Variants in RBMS3 observed in about 807,000 individuals in gnomAD.
RBMS3 encodes the protein RNA binding motif single stranded interacting protein 3, also known as RNA-binding motif, single-stranded-interacting protein 3.
RBMS3 carries 27 observed loss-of-function variants against 66.8 expected under a neutral mutation model. The observed-to-expected ratio is 0.40, with a 90% CI of 0.30 to 0.56. The LOEUF is 0.56. RBMS3 is among the 20% of genes least tolerant of loss of function. RBMS3 has a pLI of 0.40. For missense variants in RBMS3, 513 were observed against 549.5 expected, an observed-to-expected ratio of 0.93 and a Z score of 0.66; for synonymous variants, 188 against 183.0, an observed-to-expected ratio of 1.03 and a Z score of -0.22.
intron 8 of RBMS3, among the ~76,000 whole-genome samples, chr3:29,896,849 A>G (rs943246527): frequency 2.0e-5 from 3 of 151,594 alleles, no homozygotes; most frequent in Admixed American, 6.6e-5. Context: ...GACTTAATCC[A>G]GAAAACATTC....
chr3:29,638,902 G>A (rs17547904), intron 4 of RBMS3, among the ~76,000 whole-genome samples: 34,593 of 151,638 alleles, frequency 0.23, 4,178 homozygotes, highest in Middle Eastern at 0.32. Flanking sequence ...GTATATCGCT[G>A]TAAATTAAGA....
At chr3:29,413,361 C>A (rs1396754324) in intron 1 of RBMS3, among the ~76,000 whole-genome samples, 1 of 149,764 alleles carries the variant, frequency 6.7e-6, no homozygotes, top group Non-Finnish European at 1.5e-5. Flanking sequence ...GAGAGTGAAA[C>A]TCCATCTCAT....
intron 1 of RBMS3, among the ~76,000 whole-genome samples, chr3:29,326,390 T>C (rs2125502948): frequency 6.6e-6 from 1 of 152,322 alleles, no homozygotes; most frequent in African/African-American, 2.4e-5. Context: ...TTCTCCACCT[T>C]CTATGTCTTG....
At chr3:29,617,709 C>G (rs139927987) in intron 4 of RBMS3, among the ~76,000 whole-genome samples, 6 of 152,128 alleles carry the variant, frequency 3.9e-5, no homozygotes, top group Non-Finnish European at 7.4e-5. Flanking sequence ...ATTTATAAGA[C>G]TATAGTACCT....
Position 29,868,950 on chromosome 3 carries a change from C to T in RBMS3, c.730C>T (p.Pro244Ser), listed in dbSNP as rs2149550235. The T allele has an allele frequency of 2.5e-6, 4 of 1,597,132 alleles. No individual in the cohort carries two copies. The highest frequency in any genetic ancestry group is 4.5e-5 in the East Asian group (2 of 44,504). Residue 244 changes from proline (P) to serine (S), a missense_variant, in exon 7 of 15, where the codon CCC (proline) becomes TCC (serine). Pro to Ser is a moderately conservative substitution (Grantham distance 74). Coordinates refer to ENST00000383767, the MANE Select transcript of RBMS3 (RefSeq NM_001003793.3). The part of the protein sequence containing the change: ...SKYTQNGRPW[P>S]REGEAGMALT... ...ATATACCCAGAATGGGAGGCCTTGG[C>T]CCAGGGAAGGAGAGGTGAGTCCTGA...
intron 1 of RBMS3, among the ~76,000 whole-genome samples, chr3:29,414,675 C>T (rs765995900): frequency 1.1e-4 from 16 of 152,020 alleles, no homozygotes; most frequent in Admixed American, 5.9e-4. Flanking sequence ...ATCAGCCTCG[C>T]GACACACTGC....
At position 29,878,196 on chromosome 3, in the gene RBMS3, G is replaced by T. The variant is rs145655187; in HGVS notation, c.745-5966G>T. ...AAATGACAGGAAGCGGATCTCAGGC[G>T]GTAGTGCTCGCTTGCCTGCTGCTCA... On this transcript the variant is annotated intron_variant, in intron 7 of 14. Coordinates refer to ENST00000383767, the MANE Select transcript of RBMS3 (RefSeq NM_001003793.3). Among the ~76,000 whole-genome samples the T allele has an allele frequency of 1.8e-3, 271 of 152,128 alleles. 1 individual carries two copies. Among genetic ancestry groups the T allele is most frequent in the East Asian group, 0.014 (72 of 5,164 alleles).
At chr3:29,610,684 A>G (rs2048463333) in intron 4 of RBMS3, among the ~76,000 whole-genome samples, 2 of 152,064 alleles carry the variant, frequency 1.3e-5, no homozygotes, top group African/African-American at 4.8e-5. Context: ...GGATCTGTTA[A>G]TGAGCCTTCA....
intron 3 of RBMS3, among the ~76,000 whole-genome samples, chr3:29,532,639 G>C (rs1357726275): frequency 6.6e-6 from 1 of 152,052 alleles, no homozygotes; most frequent in Non-Finnish European, 1.5e-5. Context: ...ATGAGGCAGG[G>C]AATTGCTTGA....
intron 4 of RBMS3, among the ~76,000 whole-genome samples, chr3:29,686,549 A>T (rs7623195): frequency 6.6e-6 from 1 of 151,896 alleles, no homozygotes; most frequent in African/African-American, 2.4e-5. Flanking sequence ...GCCAGATGTG[A>T]TTGCATGCCC....
At chr3:29,988,962 A>G (rs1342813236) in intron 13 of RBMS3, among the ~76,000 whole-genome samples, 4 of 152,196 alleles carry the variant, frequency 2.6e-5, no homozygotes, top group African/African-American at 7.2e-5. Flanking sequence ...AGCTTTAAAA[A>G]TATTGATTCC....
At chr3:29,374,295 T>C (rs1227859098) in intron 1 of RBMS3, among the ~76,000 whole-genome samples, 2 of 152,226 alleles carry the variant, frequency 1.3e-5, no homozygotes, top group African/African-American at 4.8e-5. Context: ...GTTACTGGTT[T>C]GCTACAGGTA....
intron 3 of RBMS3, among the ~76,000 whole-genome samples, chr3:29,514,738 A>G (rs913898389): frequency 6.8e-6 from 1 of 146,232 alleles, no homozygotes. Context: ...GCATATATAT[A>G]TGATAGGCAT....
chr3:29,712,288 G>A (rs1340749184), intron 4 of RBMS3, among the ~76,000 whole-genome samples: 1 of 151,702 alleles, frequency 6.6e-6, no homozygotes. Context: ...TTTGTATTTG[G>A]TTTTTATTTT....
intron 6 of RBMS3, among the ~76,000 whole-genome samples, chr3:29,833,924 G>A (rs1201363536): frequency 1.3e-5 from 2 of 151,934 alleles, no homozygotes; most frequent in African/African-American, 2.4e-5. Flanking sequence ...AATTTTGAAA[G>A]CGCCAAGAAA....
chr3:29,940,309 T>C (rs190804462), intron 11 of RBMS3, among the ~76,000 whole-genome samples: 2 of 152,012 alleles, frequency 1.3e-5, no homozygotes, highest in East Asian at 3.9e-4. Context: ...ACTGAAACAT[T>C]TCAGAGGATT....
chr3:29,346,780 G>A (rs990106039), intron 1 of RBMS3, among the ~76,000 whole-genome samples: 1 of 152,110 alleles, frequency 6.6e-6, no homozygotes, highest in African/African-American at 2.4e-5. Flanking sequence ...GCAGGGGCAT[G>A]TTTCAGAACT....
intron 3 of RBMS3, among the ~76,000 whole-genome samples, chr3:29,502,242 C>T (rs2148938742): frequency 6.6e-6 from 1 of 152,102 alleles, no homozygotes; most frequent in Non-Finnish European, 1.5e-5. Flanking sequence ...AAGTAACTAA[C>T]AAAATTATTA....
intron 3 of RBMS3, among the ~76,000 whole-genome samples, chr3:29,578,755 T>C (rs2047212029): frequency 6.7e-6 from 1 of 149,430 alleles, no homozygotes; most frequent in Admixed American, 6.7e-5. Context: ...ATGTACAGTA[T>C]GACAAAAACA....
Sources: allele counts gnomAD v4.1 joint callset (sites outside exome capture counted in the v4.1 genomes callset), GRCh38; gene constraint gnomAD v4.1.1; transcripts MANE v1.5; gene names NCBI Gene and HGNC (gene_info 2026-07-23, HGNC 2026-07-21).